The following CDIN1 variants were observed in gnomAD, a reference collection of about 807,000 sequenced individuals.
CDIN1 encodes the protein CDAN1-interacting nuclease 1.
In CDIN1, 33 loss-of-function variants were observed where a neutral mutation model predicts 45.3. The ratio of observed to expected loss-of-function variants is 0.73; its 90% CI spans 0.55 to 0.97. The LOEUF is 0.97. Ranked by LOEUF, CDIN1 falls within the 50% of genes least tolerant of loss-of-function variation. CDIN1 has a pLI of 0.00. For synonymous variants in CDIN1, 118 were observed against 124.4 expected, an observed-to-expected ratio of 0.95 and a Z score of 0.34; for missense variants, 303 against 339.4, an observed-to-expected ratio of 0.89 and a Z score of 0.84.
At chr15:36,667,239 AGCTCTTATTTTTTGT>A (rs1340245306) in intron 5 of CDIN1, among the ~76,000 whole-genome samples, 1 of 152,186 alleles carries the variant, frequency 6.6e-6, no homozygotes, top group Non-Finnish European at 1.5e-5. Flanking sequence ...ACCCAAAAAG[AGCTCTTATTTTTTGT>A]AATCCTCCAA....
At chr15:36,751,393 ACT>A (rs952324652) in intron 10 of CDIN1, among the ~76,000 whole-genome samples, 24 of 151,386 alleles carry the variant, frequency 1.6e-4, no homozygotes, top group Admixed American at 1.3e-4. Flanking sequence ...TAGGTGGAAG[ACT>A]CTAAAGTTAA....
chr15:36,702,686 CAG>C (rs1217491711), intron 8 of CDIN1, among the ~76,000 whole-genome samples: 1 of 151,992 alleles, frequency 6.6e-6, no homozygotes, highest in Non-Finnish European at 1.5e-5. Context: ...TGGGGAAGTC[CAG>C]AGGAGAGATT....
chr15:36,715,862 C>T (rs1468013838), intron 10 of CDIN1, among the ~76,000 whole-genome samples: 1 of 152,098 alleles, frequency 6.6e-6, no homozygotes, highest in African/African-American at 2.4e-5. Flanking sequence ...GTATAGAGTA[C>T]TTTGAGAAAA....
chr15:36,601,384 A>T (rs1481762331), intron 1 of CDIN1, among the ~76,000 whole-genome samples: 1 of 152,156 alleles, frequency 6.6e-6, no homozygotes, highest in African/African-American at 2.4e-5. Flanking sequence ...CATGATTCAG[A>T]TGGAGACTAG....
chr15:36,756,836 C>T (rs947554751), intron 10 of CDIN1, among the ~76,000 whole-genome samples: 36 of 152,084 alleles, frequency 2.4e-4, no homozygotes, highest in African/African-American at 8.5e-4. Flanking sequence ...CTCATGATGG[C>T]TTTTCGAGTG....
chr15:36,756,232 A>G, intron 10 of CDIN1: 2 of 422,712 alleles, frequency 4.7e-6, no homozygotes, highest in South Asian at 3.4e-5. Flanking sequence ...GTTTTAAAAT[A>G]TATGGTTGCT....
intron 5 of CDIN1, among the ~76,000 whole-genome samples, chr15:36,662,133 C>T (rs983628540): frequency 2.0e-5 from 3 of 152,176 alleles, no homozygotes; most frequent in South Asian, 2.1e-4. Flanking sequence ...TTTTATACAG[C>T]TTACCTTTGC....
In CDIN1 at chr15:36,657,380, G is replaced by A. The variant is rs377635507; in HGVS notation, c.274-453G>A. ...TCCTTATTTGGATTTGTCATATAAG[G>A]ACATTTGACTCTGTTTTTGAAAACT... On this transcript the variant is annotated intron_variant, in intron 4 of 10. Coordinates refer to ENST00000566621, the MANE Select transcript of CDIN1 (RefSeq NM_001321759.2). 5.9e-5 allele frequency among the ~76,000 whole-genome samples: 9 copies of A among 152,082 alleles called. No individual in the cohort carries two copies. In the South Asian group the frequency reaches 1.2e-3, roughly 21 times the overall value.
At position 36,726,983 on chromosome 15, in the gene CDIN1, A is replaced by C. The variant is rs1255118838; in HGVS notation, c.716+17022A>C. The stretch of plus-strand genomic sequence containing the variant: ...TTCTATATATATCTTTCCCTCTGAA[A>C]GCACAGAACAAAGTTCTGTTGTTTT... On this transcript the variant is annotated intron_variant, in intron 10 of 10. Transcript: ENST00000566621. Among the ~76,000 whole-genome samples the C allele has an allele frequency of 2.6e-5, 4 of 152,332 alleles. No homozygotes were observed. The East Asian group carries it at 7.7e-4, about 29-fold the overall frequency.
intron 10 of CDIN1, among the ~76,000 whole-genome samples, chr15:36,710,707 G>GT (rs1025687151): frequency 6.6e-6 from 1 of 151,988 alleles, no homozygotes; most frequent in African/African-American, 2.4e-5. Context: ...CACACTACAT[G>GT]TTTTTTCCCC....
chr15:36,744,126 A>C (rs1040830417), intron 10 of CDIN1, among the ~76,000 whole-genome samples: 19 of 152,054 alleles, frequency 1.2e-4, no homozygotes, highest in African/African-American at 4.3e-4. Flanking sequence ...GGAATTCTGC[A>C]ATGAGGGGAC....
At chr15:36,784,374 G>C (rs774746675) in intron 10 of CDIN1, among the ~76,000 whole-genome samples, 1 of 152,272 alleles carries the variant, frequency 6.6e-6, no homozygotes, top group Middle Eastern at 3.4e-3. Context: ...TATTCCTAGG[G>C]AGAAAAAGGA....
chr15:36,786,893 A>AT (rs1295983371), intron 10 of CDIN1, among the ~76,000 whole-genome samples: 1 of 151,868 alleles, frequency 6.6e-6, no homozygotes, highest in African/African-American at 2.4e-5. Context: ...GACTTCTGTG[A>AT]TACCACTCTT....
intron 1 of CDIN1, among the ~76,000 whole-genome samples, chr15:36,589,895 G>A (rs28539640): frequency 0.095 from 14,433 of 152,186 alleles, 758 homozygotes; most frequent in Middle Eastern, 0.13. Flanking sequence ...AGAACAATCT[G>A]TGACCCACGT....
At chr15:36,635,315 A>T (rs933874797) in intron 1 of CDIN1, among the ~76,000 whole-genome samples, 1 of 152,206 alleles carries the variant, frequency 6.6e-6, no homozygotes, top group Non-Finnish European at 1.5e-5. Context: ...TTTATGAGAT[A>T]GTTTTTCAAA....
chr15:36,620,246 G>A (rs28592999), intron 1 of CDIN1, among the ~76,000 whole-genome samples: 14,215 of 152,122 alleles, frequency 0.093, 754 homozygotes, highest in Middle Eastern at 0.13. Flanking sequence ...AGCTACCCGG[G>A]AGGCTGAGGC....
intron 4 of CDIN1, among the ~76,000 whole-genome samples, chr15:36,656,176 A>T (rs2040774798): frequency 6.6e-6 from 1 of 152,180 alleles, no homozygotes; most frequent in Admixed American, 6.5e-5. Flanking sequence ...TTTTTTCCAG[A>T]TAGGTAATAC....
At chr15:36,804,192 A>G (rs779008825) in intron 10 of CDIN1, among the ~76,000 whole-genome samples, 1 of 152,190 alleles carries the variant, frequency 6.6e-6, no homozygotes, top group South Asian at 2.1e-4. Flanking sequence ...TATATATATT[A>G]AAGTGCTTAG....
chr15:36,730,676 A>G (rs1271932391), intron 10 of CDIN1, among the ~76,000 whole-genome samples: 1 of 152,098 alleles, frequency 6.6e-6, no homozygotes, highest in East Asian at 1.9e-4. Flanking sequence ...CTTAAATTAT[A>G]TTGTATTTCA....
Sources: gnomAD v4.1 joint callset for allele counts (sites outside exome capture counted in the v4.1 genomes callset) on GRCh38, gnomAD v4.1.1 for gene constraint, MANE v1.5 for transcripts, NCBI Gene and HGNC (gene_info 2026-07-23, HGNC 2026-07-21) for gene names.